Variants in PRKCH observed in about 807,000 individuals in gnomAD.
The protein encoded by PRKCH is protein kinase C eta.
PRKCH carries 28 observed loss-of-function variants against 82.5 expected under a neutral mutation model. The observed-to-expected ratio is 0.34, with a 90% confidence interval of 0.25 to 0.47. PRKCH has a LOEUF of 0.47. PRKCH is among the 20% of genes least tolerant of loss of function. The pLI, the probability that PRKCH is intolerant of heterozygous loss-of-function variation, is 1.00. For missense variants in PRKCH, 705 were observed against 881.8 expected (o/e 0.80, Z 2.54); for synonymous variants, 322 against 327.4 (o/e 0.98, Z 0.18).
Position 61,280,669 on chromosome 14 carries a change from G to A in PRKCH, c.-19+93001G>A. ...GCTGTTGGCGATGGCGCCGCAGGGC[G>A]CGATGGGCAGGCCGGCCGCGCTGCG... is the stretch of plus-strand genomic sequence containing the variant. On this transcript the variant is annotated intron_variant, in intron 1 of 3. Coordinates refer to the PRKCH transcript ENST00000555185. This position sits in a 1 kb window ranked among gnomAD's most constrained non-coding sequence, Gnocchi z 5.0. 1 of 1,572,330 alleles carries A rather than the reference G, an allele frequency of 6.4e-7. No homozygotes were observed. The highest frequency in any genetic ancestry group is 8.6e-7 in the Non-Finnish European group (1 of 1,160,572).
At chr14:61,516,161 G>A (rs919765818) in intron 10 of PRKCH, among the ~76,000 whole-genome samples, 1 of 152,116 alleles carries the variant, frequency 6.6e-6, no homozygotes, top group African/African-American at 2.4e-5. Flanking sequence ...AGCCACTTGG[G>A]TAGGGGAGGG....
At position 61,376,378 on chromosome 14, in the gene PRKCH, T is replaced by C. The variant is rs960380089; in HGVS notation, c.364-14847T>C. On this transcript the variant is annotated intron_variant, in intron 1 of 13. Transcript: ENST00000332981. Reference sequence around the variant, plus strand: ...GTTCAGTTATTCCTGTGTGGATGACTCTACCTGCAGCCCAGCCCTTTATTT... The same window carrying C: ...GTTCAGTTATTCCTGTGTGGATGACCCTACCTGCAGCCCAGCCCTTTATTT... 4.6e-5 allele frequency among the ~76,000 whole-genome samples: 7 copies of C among 152,238 alleles called. No individual in the cohort carries two copies. In the East Asian group the frequency reaches 1.3e-3, roughly 29 times the overall value.
At chr14:61,443,009 A>C in intron 2 of PRKCH, 102 bp from the exon 3 acceptor site, 1 of 1,174,062 alleles carries the variant, frequency 8.5e-7, no homozygotes, top group South Asian at 1.6e-5. Context: ...GAAAGAAAAA[A>C]TAATTTGAGG....
At chr14:61,444,343 G>A (rs965748639) in intron 3 of PRKCH, among the ~76,000 whole-genome samples, 1 of 152,046 alleles carries the variant, frequency 6.6e-6, no homozygotes, top group Non-Finnish European at 1.5e-5. Flanking sequence ...GGCTGCACTC[G>A]ACTTAGCCAC....
intron 1 of PRKCH, among the ~76,000 whole-genome samples, chr14:61,195,579 A>G (rs2044434780): frequency 6.6e-6 from 1 of 152,250 alleles, no homozygotes; most frequent in Non-Finnish European, 1.5e-5. Flanking sequence ...AGAATTATGC[A>G]TAGGATATTT....
chr14:61,453,461 C>G, intron 7 of PRKCH, 108 bp downstream of exon 7: 1 of 1,193,904 alleles, frequency 8.4e-7, no homozygotes, highest in South Asian at 1.7e-5. Context: ...TTAGCAAATA[C>G]AATAAACAGA....
intron 2 of PRKCH, among the ~76,000 whole-genome samples, chr14:61,398,247 G>A (rs1041621238): frequency 1.3e-5 from 2 of 152,198 alleles, no homozygotes; most frequent in Admixed American, 6.5e-5. Context: ...TTGTTGCCAT[G>A]TGTGTGATTG....
At chr14:61,449,684 C>A (rs1243406735) in intron 5 of PRKCH, among the ~76,000 whole-genome samples, 1 of 152,184 alleles carries the variant, frequency 6.6e-6, no homozygotes, top group Non-Finnish European at 1.5e-5. Flanking sequence ...GCAAGGCCTA[C>A]AATCTCTCTT....
At chr14:61,217,694 G>C (rs569183417) in intron 1 of PRKCH, among the ~76,000 whole-genome samples, 1 of 152,214 alleles carries the variant, frequency 6.6e-6, no homozygotes, top group East Asian at 1.9e-4. Context: ...AAGAAGTTGG[G>C]GCCAGGCCAG....
chr14:61,430,361 T>C (rs1883323393), intron 2 of PRKCH, among the ~76,000 whole-genome samples: 1 of 151,824 alleles, frequency 6.6e-6, no homozygotes, highest in Non-Finnish European at 1.5e-5. Context: ...TTAGTGGGAG[T>C]TCAAAATGGT....
At chr14:61,189,376 G>T (rs1169825663) in intron 1 of PRKCH, among the ~76,000 whole-genome samples, 5 of 133,440 alleles carry the variant, frequency 3.7e-5, no homozygotes, top group Non-Finnish European at 3.2e-5. Flanking sequence ...GCAAAGGGGG[G>T]ATGGAAGTGT....
At chr14:61,333,521 G>A (rs1489778346) in intron 1 of PRKCH, among the ~76,000 whole-genome samples, 1 of 152,092 alleles carries the variant, frequency 6.6e-6, no homozygotes, top group African/African-American at 2.4e-5. Context: ...TAGAAAACAG[G>A]AGCTAGGAGC....
At chr14:61,252,790 T>G (rs1048472726) in intron 1 of PRKCH, among the ~76,000 whole-genome samples, 6 of 152,244 alleles carry the variant, frequency 3.9e-5, no homozygotes, top group Non-Finnish European at 8.8e-5. Flanking sequence ...AAAGTATACA[T>G]TTCTCAAACA....
At chr14:61,336,758 A>T in intron 1 of PRKCH, among the ~76,000 whole-genome samples, 1 of 152,132 alleles carries the variant, frequency 6.6e-6, no homozygotes, top group East Asian at 1.9e-4. Flanking sequence ...TCAAGGAGGA[A>T]AACTCTAGTT....
At chr14:61,325,337 C>A (rs747950946) in intron 1 of PRKCH, among the ~76,000 whole-genome samples, 6 of 152,180 alleles carry the variant, frequency 3.9e-5, no homozygotes, top group Non-Finnish European at 8.8e-5. Flanking sequence ...CCACTGATTT[C>A]TGATAAAGCT....
intron 1 of PRKCH, among the ~76,000 whole-genome samples, chr14:61,360,655 A>G (rs925538375): frequency 1.3e-5 from 2 of 152,248 alleles, no homozygotes; most frequent in African/African-American, 4.8e-5. Flanking sequence ...AAACACTTCA[A>G]AAAGTTAAAA....
chr14:61,227,016 G>A (rs768325353), intron 1 of PRKCH, among the ~76,000 whole-genome samples: 3 of 152,100 alleles, frequency 2.0e-5, no homozygotes, highest in Non-Finnish European at 2.9e-5. Context: ...GTCCATTGTC[G>A]CCATTAACCA....
intron 1 of PRKCH, among the ~76,000 whole-genome samples, chr14:61,217,310 T>C (rs2044622754): frequency 2.0e-5 from 3 of 152,072 alleles, no homozygotes; most frequent in Non-Finnish European, 4.4e-5. Context: ...GGAGGATCAG[T>C]TGGGCCCGGG....
chr14:61,311,048 G>C (rs1036119253), intron 1 of PRKCH, among the ~76,000 whole-genome samples: 20 of 152,226 alleles, frequency 1.3e-4, no homozygotes, highest in Non-Finnish European at 2.4e-4. Flanking sequence ...GAGCAGAAGG[G>C]CCCTGGGCCT....
Sources: gnomAD v4.1 joint callset for allele counts (sites outside exome capture counted in the v4.1 genomes callset) on GRCh38, gnomAD v4.1.1 for gene constraint, Gnocchi (gnomAD v3.1) non-coding constraint, MANE v1.5 for transcripts, NCBI Gene and HGNC (gene_info 2026-07-23, HGNC 2026-07-21) for gene names.